TBCK: variants seen among roughly 807,000 people sequenced by gnomAD.
TBCK encodes the protein TBC domain-containing protein kinase-like protein.
In TBCK, 99 loss-of-function variants were observed where a neutral mutation model predicts 113.4. The observed-to-expected ratio is 0.87, with a 90% confidence interval of 0.74 to 1.03. The LOEUF is 1.03. TBCK is among the 50% of genes least tolerant of loss of function. TBCK has a pLI of 0.00. For synonymous variants in TBCK, 369 were observed against 370.8 expected (o/e 1.00, Z 0.05); for missense variants, 1,045 against 1,061.3 (o/e 0.98, Z 0.21).
chr4:106,215,358 C>A (rs1402216267), intron 19 of TBCK, among the ~76,000 whole-genome samples: 1 of 151,854 alleles, frequency 6.6e-6, no homozygotes, highest in African/African-American at 2.4e-5. Flanking sequence ...CAAATTCACA[C>A]ATAACACGAT....
intron 1 of TBCK, among the ~76,000 whole-genome samples, chr4:106,309,305 C>CTTTTTTTTTTT (rs536969885): frequency 1.9e-5 from 2 of 103,164 alleles, no homozygotes; most frequent in African/African-American, 4.1e-5. Flanking sequence ...AGGCTCTTCT[C>CTTTTTTTTTTT]TTTTTTTTTT....
chr4:106,236,929 AAT>A (rs1301705869), intron 12 of TBCK, 121 bp from the exon 13 acceptor site: 4 of 468,284 alleles, frequency 8.5e-6, no homozygotes, highest in Non-Finnish European at 1.4e-5. Flanking sequence ...AAAAGTATAA[AAT>A]AGAGTCTAAA....
intron 19 of TBCK, among the ~76,000 whole-genome samples, chr4:106,218,916 C>T (rs1757325221): frequency 6.6e-6 from 1 of 151,422 alleles, no homozygotes; most frequent in African/African-American, 2.4e-5. Context: ...AAGACACATG[C>T]ACACATATGT....
chr4:106,143,696 C>G (rs1747410368), intron 23 of TBCK, among the ~76,000 whole-genome samples: 1 of 152,036 alleles, frequency 6.6e-6, no homozygotes, highest in Non-Finnish European at 1.5e-5. Flanking sequence ...GGGCGGACCA[C>G]CTGAGGTCAG....
intron 24 of TBCK, among the ~76,000 whole-genome samples, chr4:106,100,229 T>C (rs1187586061): frequency 6.6e-6 from 1 of 152,168 alleles, no homozygotes; most frequent in African/African-American, 2.4e-5. Context: ...ATTTATTTCG[T>C]CTTTGAATCT....
chr4:106,074,386 A>ATAAG (rs1185720942), intron 25 of TBCK, among the ~76,000 whole-genome samples: 21 of 152,378 alleles, frequency 1.4e-4, no homozygotes, highest in African/African-American at 4.8e-4. Context: ...ATGTATGTAA[A>ATAAG]TAAGTACTAG....
chr4:106,092,897 G>A (rs945028590), intron 25 of TBCK, among the ~76,000 whole-genome samples: 2 of 152,238 alleles, frequency 1.3e-5, no homozygotes, highest in East Asian at 1.9e-4. Flanking sequence ...TGCTGAGGCC[G>A]AGGAGGTGCC....
intron 20 of TBCK, among the ~76,000 whole-genome samples, chr4:106,204,053 T>C (rs1172098411): frequency 6.6e-6 from 1 of 152,144 alleles, no homozygotes; most frequent in Non-Finnish European, 1.5e-5. Flanking sequence ...ATATGAATCA[T>C]GCTAATAAAA....
At chr4:106,168,138 T>TC (rs1750603702) in intron 23 of TBCK, among the ~76,000 whole-genome samples, 1 of 151,776 alleles carries the variant, frequency 6.6e-6, no homozygotes, top group South Asian at 2.1e-4. Flanking sequence ...TAAAACAAAT[T>TC]ATATACCATG....
rs1270260432 is a variant in TBCK, at chr4:106,124,326, GC to G, written c.2236-7949del. 4.5e-4 allele frequency among the ~76,000 whole-genome samples: 69 copies of G among 152,274 alleles called. No homozygotes were observed. The East Asian group carries it at 0.013, about 28-fold the overall frequency. ...ATACCATCTCACACCAGTTAGAATG[GC>G]AATCATTAAAAAGTCAGGAAACAAC... is the stretch of plus-strand genomic sequence containing the variant. On this transcript the variant is annotated intron_variant, in intron 23 of 25. Coordinates refer to ENST00000394708, the MANE Select transcript of TBCK (RefSeq NM_001163435.3).
intron 23 of TBCK, among the ~76,000 whole-genome samples, chr4:106,127,679 G>A (rs1745393524): frequency 6.6e-6 from 1 of 152,094 alleles, no homozygotes; most frequent in African/African-American, 2.4e-5. Context: ...GTTTGTGTGT[G>A]TGTGTGTATG....
chr4:106,105,230 C>T (rs1463725351), intron 24 of TBCK, among the ~76,000 whole-genome samples: 1 of 152,214 alleles, frequency 6.6e-6, no homozygotes, highest in Non-Finnish European at 1.5e-5. Flanking sequence ...AAACTCATCA[C>T]CAGACAGGAA....
intron 5 of TBCK, among the ~76,000 whole-genome samples, chr4:106,258,866 G>T (rs914463159): frequency 2.0e-5 from 3 of 151,668 alleles, no homozygotes; most frequent in Admixed American, 2.0e-4. Flanking sequence ...TTTCATATTC[G>T]AAAGGGCTTT....
chr4:106,248,358 ATACTT>A (rs772430447), intron 8 of TBCK, 52 bp from the exon 9 acceptor site: 2 of 1,252,930 alleles, frequency 1.6e-6, no homozygotes, highest in East Asian at 2.6e-5. Context: ...TTTTAGAAAT[ATACTT>A]TATTCAAATG....
intron 1 of TBCK, among the ~76,000 whole-genome samples, chr4:106,314,659 C>CT (rs1348088379): frequency 8.1e-6 from 1 of 123,366 alleles, no homozygotes; most frequent in African/African-American, 3.2e-5. Context: ...GAGTCTCACT[C>CT]TGTCATCAAG....
intron 5 of TBCK, among the ~76,000 whole-genome samples, chr4:106,257,609 C>A (rs950611844): frequency 4.0e-5 from 6 of 151,862 alleles, no homozygotes; most frequent in African/African-American, 1.4e-4. Flanking sequence ...TCATGTATTT[C>A]TCTCATATAC....
intron 12 of TBCK, 104 bp from the exon 13 acceptor site, chr4:106,236,912 G>A: frequency 1.8e-6 from 1 of 550,574 alleles, no homozygotes; most frequent in Non-Finnish European, 2.9e-6. Flanking sequence ...TTTATAAAGG[G>A]ACCTAGAAAA....
At chr4:106,122,034 C>G (rs917426234) in intron 23 of TBCK, among the ~76,000 whole-genome samples, 13 of 151,994 alleles carry the variant, frequency 8.6e-5, no homozygotes, top group Admixed American at 8.5e-4. Flanking sequence ...CAGAGCAGAA[C>G]TGAAGGAAAT....
chr4:106,076,043 G>A (rs1015965865), intron 25 of TBCK, among the ~76,000 whole-genome samples: 1 of 152,200 alleles, frequency 6.6e-6, no homozygotes, highest in African/African-American at 2.4e-5. Context: ...TCTGACACAG[G>A]CAAATGAGAT....
Sources: gnomAD v4.1 joint callset for allele counts (sites outside exome capture counted in the v4.1 genomes callset) on GRCh38, gnomAD v4.1.1 for gene constraint, MANE v1.5 for transcripts, NCBI Gene and HGNC (gene_info 2026-07-23, HGNC 2026-07-21) for gene names.